The following ASTN2 variants were observed in gnomAD, a reference collection of about 807,000 sequenced individuals.
The protein encoded by ASTN2 is astrotactin-2.
ASTN2 carries 54 observed loss-of-function variants against 139.8 expected under a neutral mutation model. The observed-to-expected ratio is 0.39, with a 90% CI of 0.31 to 0.48. The LOEUF (loss-of-function observed/expected upper bound fraction) is 0.48, where lower values mean the gene tolerates loss of function less well. ASTN2 is among the 20% of genes least tolerant of loss of function. The pLI is 0.95. For synonymous variants in ASTN2, 756 were observed against 719.5 expected, an observed-to-expected ratio of 1.05 and a Z score of -0.81; for missense variants, 1,565 against 1,725.1, an observed-to-expected ratio of 0.91 and a Z score of 1.64.
intron 4 of ASTN2, among the ~76,000 whole-genome samples, chr9:117,114,667 A>T (rs1829333558): frequency 6.6e-6 from 1 of 152,070 alleles, no homozygotes; most frequent in African/African-American, 2.4e-5. Flanking sequence ...CTTCTTACTG[A>T]GATACAGGAT....
At chr9:116,919,290 T>C (rs73527981) in intron 10 of ASTN2, among the ~76,000 whole-genome samples, 2,810 of 152,344 alleles carry the variant, frequency 0.018, 74 homozygotes, top group African/African-American at 0.061. Context: ...GTCCTGATTT[T>C]GTGGCTATGT....
At chr9:117,350,109 T>C (rs1399601056) in intron 1 of ASTN2, among the ~76,000 whole-genome samples, 2 of 152,190 alleles carry the variant, frequency 1.3e-5, no homozygotes. Flanking sequence ...GGGTAAGTGG[T>C]ATATAGAAAG....
chr9:117,179,232 C>CTA (rs1395840638), intron 3 of ASTN2, among the ~76,000 whole-genome samples: 2 of 152,002 alleles, frequency 1.3e-5, no homozygotes, highest in Non-Finnish European at 2.9e-5. Context: ...AAGGACAAGA[C>CTA]TATATATGTA....
At chr9:117,286,827 T>A (rs894693765) in intron 2 of ASTN2, among the ~76,000 whole-genome samples, 1 of 152,248 alleles carries the variant, frequency 6.6e-6, no homozygotes, top group Non-Finnish European at 1.5e-5. Context: ...ACAGACATGA[T>A]AACCCTCACT....
intron 1 of ASTN2, among the ~76,000 whole-genome samples, chr9:117,328,561 C>A (rs376648262): frequency 1.9e-4 from 29 of 152,236 alleles, no homozygotes; most frequent in African/African-American, 6.5e-4. Flanking sequence ...TCTAGATATG[C>A]TATATGCGGT....
chr9:117,106,107 T>C (rs1443156507), intron 4 of ASTN2, among the ~76,000 whole-genome samples: 1 of 152,214 alleles, frequency 6.6e-6, no homozygotes, highest in African/African-American at 2.4e-5. Context: ...CTAGATTCCG[T>C]CCAGACTTTT....
intron 13 of ASTN2, among the ~76,000 whole-genome samples, chr9:116,803,682 G>A (rs1174515469): frequency 6.6e-6 from 1 of 150,564 alleles, no homozygotes; most frequent in East Asian, 2.0e-4. Flanking sequence ...CTGCCACTAC[G>A]CCTGGCTATT....
intron 3 of ASTN2, among the ~76,000 whole-genome samples, chr9:117,191,772 C>T (rs1053312077): frequency 1.3e-5 from 2 of 152,208 alleles, no homozygotes; most frequent in Non-Finnish European, 2.9e-5. Context: ...ACAGTCGCTT[C>T]AGCCCCTGAC....
At chr9:117,119,196 A>G (rs958576974) in intron 4 of ASTN2, among the ~76,000 whole-genome samples, 4 of 152,234 alleles carry the variant, frequency 2.6e-5, no homozygotes, top group African/African-American at 9.6e-5. Context: ...TGCCCTCTCA[A>G]AACAGAAAAG....
chr9:116,551,256 A>G (rs988878219), intron 19 of ASTN2, among the ~76,000 whole-genome samples: 1 of 152,244 alleles, frequency 6.6e-6, no homozygotes, highest in African/African-American at 2.4e-5. Flanking sequence ...CACATGTTGC[A>G]AAATGCTTTA....
intron 1 of ASTN2, among the ~76,000 whole-genome samples, chr9:117,318,836 G>C (rs1473335980): frequency 1.3e-5 from 2 of 152,164 alleles, no homozygotes; most frequent in Admixed American, 6.5e-5. Flanking sequence ...GAGCTGCCCA[G>C]GTTCTGAGAT....
chr9:116,765,790 A>G (rs1251273846), intron 13 of ASTN2, among the ~76,000 whole-genome samples: 1 of 152,210 alleles, frequency 6.6e-6, no homozygotes, highest in Non-Finnish European at 1.5e-5. Flanking sequence ...TTCTGTATAT[A>G]ACATGTGACT....
Position 117,325,995 on chromosome 9 carries a change from G to C in ASTN2, c.443-34482C>G, listed in dbSNP as rs565607531. Among the ~76,000 whole-genome samples, 22 of 152,170 alleles carry C rather than the reference G, an allele frequency of 1.4e-4. No homozygotes were observed. In the South Asian group the frequency reaches 4.4e-3, roughly 30 times the overall value. On this transcript the variant is annotated intron_variant, in intron 1 of 22. Transcript: ENST00000313400. The stretch of plus-strand genomic sequence containing the variant: ...CCTTAGGGAGTTACCCTGAGGGAGG[G>C]GTGGGGCATTCTCATCCCTTTCAGA...
At position 116,424,054 on chromosome 9, in the gene ASTN2, C is replaced by T. The variant is rs1032475226; in HGVS notation, c.*1797G>A. ...TTTGCATTATGATATACCTGACCTACATCCCATCTGCTCAAGCTAGGTAGC... is the reference window on the plus strand; with the variant it reads ...TTTGCATTATGATATACCTGACCTATATCCCATCTGCTCAAGCTAGGTAGC... On this transcript the variant is annotated 3_prime_UTR_variant, in exon 23 of 23. Transcript: ENST00000313400. Among the ~76,000 whole-genome samples the T allele has an allele frequency of 5.3e-5, 8 of 152,304 alleles. No individual in the cohort carries two copies. Among genetic ancestry groups the T allele is most frequent in the African/African-American group, 1.9e-4 (8 of 41,566 alleles).
chr9:117,054,972 T>G (rs188059894), intron 5 of ASTN2, among the ~76,000 whole-genome samples: 1 of 152,134 alleles, frequency 6.6e-6, no homozygotes, highest in African/African-American at 2.4e-5. Flanking sequence ...CAGGTTACAA[T>G]AGGGTTGGTG....
intron 10 of ASTN2, among the ~76,000 whole-genome samples, chr9:116,934,566 AG>A (rs55781307): frequency 0.75 from 113,864 of 151,944 alleles, 42,782 homozygotes; most frequent in South Asian, 0.88. Context: ...CTAAATGATG[AG>A]AACACATGGA....
intron 11 of ASTN2, among the ~76,000 whole-genome samples, chr9:116,842,281 A>G (rs761639601): frequency 6.6e-6 from 1 of 152,214 alleles, no homozygotes; most frequent in Non-Finnish European, 1.5e-5. Context: ...ATGCATATTT[A>G]TTATGCACCT....
intron 1 of ASTN2, among the ~76,000 whole-genome samples, chr9:117,366,707 C>T (rs1024058535): frequency 2.6e-5 from 4 of 152,082 alleles, no homozygotes; most frequent in Non-Finnish European, 2.9e-5. Context: ...CCCACTGTGC[C>T]GCCCTGCTCC....
At chr9:116,446,438 C>T (rs1191134504) in intron 20 of ASTN2, among the ~76,000 whole-genome samples, 1 of 152,202 alleles carries the variant, frequency 6.6e-6, no homozygotes, top group East Asian at 1.9e-4. Flanking sequence ...GTACCATCAA[C>T]TCCTAATCTT....
Sources: allele counts gnomAD v4.1 joint callset (sites outside exome capture counted in the v4.1 genomes callset), GRCh38; gene constraint gnomAD v4.1.1; transcripts MANE v1.5; gene names NCBI Gene and HGNC (gene_info 2026-07-23, HGNC 2026-07-21).